Variants in LRMDA observed in about 807,000 individuals in gnomAD.
LRMDA encodes the protein leucine-rich melanocyte differentiation-associated protein.
LRMDA carries 18 observed loss-of-function variants against 29.8 expected under a neutral mutation model. That is an observed-to-expected ratio of 0.60 (90% CI 0.42 to 0.90). LRMDA has a LOEUF of 0.90. LRMDA is among the 40% of genes least tolerant of loss of function. The pLI is 0.00. For synonymous variants in LRMDA, 125 were observed against 109.4 expected (o/e 1.14, Z -0.89); for missense variants, 273 against 273.9 (o/e 1.00, Z 0.02).
intron 2 of LRMDA, among the ~76,000 whole-genome samples, chr10:75,532,056 G>GAAAAAAAAAAAAAAAAAAAAAAAAAA: frequency 3.1e-5 from 3 of 95,388 alleles, no homozygotes; most frequent in Non-Finnish European, 4.1e-5. Context: ...AAGAAAGAAA[G>GAAAAAAAAAAAAAAAAAAAAAAAAAA]AAAAAAAAAA....
chr10:75,931,875 T>C (rs1846211409), intron 2 of LRMDA, among the ~76,000 whole-genome samples: 1 of 152,178 alleles, frequency 6.6e-6, no homozygotes, highest in Non-Finnish European at 1.5e-5. Flanking sequence ...CACATTAGGA[T>C]CAACCCAAAC....
chr10:76,388,774 A>G (rs774857424), intron 6 of LRMDA, among the ~76,000 whole-genome samples: 7 of 152,240 alleles, frequency 4.6e-5, no homozygotes, highest in Non-Finnish European at 1.0e-4. Context: ...CATTATTCAT[A>G]CTGCTTTCTA....
chr10:76,106,537 T>G (rs184932165), intron 5 of LRMDA, among the ~76,000 whole-genome samples: 259 of 152,318 alleles, frequency 1.7e-3, no homozygotes, highest in African/African-American at 6.1e-3. Flanking sequence ...TAATTCTCAG[T>G]GATTGTGTCT....
At chr10:75,525,059 C>G (rs1419064654) in intron 2 of LRMDA, among the ~76,000 whole-genome samples, 1 of 152,154 alleles carries the variant, frequency 6.6e-6, no homozygotes, top group Non-Finnish European at 1.5e-5. Flanking sequence ...TGACTCATAG[C>G]TGGGAAGTCC....
intron 5 of LRMDA, among the ~76,000 whole-genome samples, chr10:76,170,165 A>G (rs1007131093): frequency 1.3e-5 from 2 of 152,228 alleles, no homozygotes; most frequent in Admixed American, 6.5e-5. Flanking sequence ...AAGTAGGAAC[A>G]GTCTCCTCAC....
At chr10:76,221,299 G>T (rs1329585385) in intron 5 of LRMDA, among the ~76,000 whole-genome samples, 1 of 152,172 alleles carries the variant, frequency 6.6e-6, no homozygotes, top group Non-Finnish European at 1.5e-5. Context: ...AGGAAATAAA[G>T]GGTATTCAAT....
chr10:75,457,913 G>T (rs1262246712), intron 2 of LRMDA, among the ~76,000 whole-genome samples: 1 of 152,130 alleles, frequency 6.6e-6, no homozygotes, highest in Non-Finnish European at 1.5e-5. Flanking sequence ...TTGAGAAACT[G>T]AACTCTTGCT....
intron 5 of LRMDA, among the ~76,000 whole-genome samples, chr10:76,245,722 G>A (rs1000871877): frequency 2.2e-4 from 33 of 152,322 alleles, no homozygotes; most frequent in Non-Finnish European, 3.1e-4. Context: ...GTGAGGGCCT[G>A]TGTTTTATTT....
chr10:75,628,793 G>A (rs1414460931), intron 2 of LRMDA, among the ~76,000 whole-genome samples: 1 of 152,080 alleles, frequency 6.6e-6, no homozygotes, highest in Non-Finnish European at 1.5e-5. Flanking sequence ...CTCCTCAGTG[G>A]GGCTGGCCAT....
At chr10:76,135,955 A>T (rs890946294) in intron 5 of LRMDA, among the ~76,000 whole-genome samples, 4 of 152,100 alleles carry the variant, frequency 2.6e-5, no homozygotes, top group African/African-American at 9.7e-5. Flanking sequence ...TTACCCAAGA[A>T]CTTTAATTCG....
chr10:75,517,374 G>C (rs1024431297), intron 2 of LRMDA, among the ~76,000 whole-genome samples: 1 of 151,916 alleles, frequency 6.6e-6, no homozygotes, highest in African/African-American at 2.4e-5. Flanking sequence ...CTTTTATTTT[G>C]TTGAGCAGTG....
intron 2 of LRMDA, among the ~76,000 whole-genome samples, chr10:75,675,388 C>T (rs1841947357): frequency 6.6e-6 from 1 of 152,160 alleles, no homozygotes; most frequent in African/African-American, 2.4e-5. Flanking sequence ...ATATTCTATA[C>T]TAATGGAGAT....
At chr10:75,563,019 C>T (rs1405173748) in intron 2 of LRMDA, among the ~76,000 whole-genome samples, 1 of 152,048 alleles carries the variant, frequency 6.6e-6, no homozygotes, top group African/African-American at 2.4e-5. Flanking sequence ...TGGAGTTGCT[C>T]TTCTTGAGGA....
At chr10:76,012,732 G>A (rs1425242936) in intron 2 of LRMDA, among the ~76,000 whole-genome samples, 1 of 152,136 alleles carries the variant, frequency 6.6e-6, no homozygotes, top group East Asian at 1.9e-4. Flanking sequence ...TCATTAAGTG[G>A]TGTCCTTCCT....
At chr10:75,527,099 G>T (rs1376001090) in intron 2 of LRMDA, among the ~76,000 whole-genome samples, 2 of 151,962 alleles carry the variant, frequency 1.3e-5, no homozygotes, top group Non-Finnish European at 2.9e-5. Flanking sequence ...TGCCTATTTT[G>T]GATATTTCAC....
intron 2 of LRMDA, among the ~76,000 whole-genome samples, chr10:75,804,456 C>CA (rs772234388): frequency 1.3e-4 from 20 of 152,278 alleles, no homozygotes; most frequent in Non-Finnish European, 2.8e-4. Flanking sequence ...TGACTGGTGA[C>CA]AAAAAATCAG....
chr10:75,989,563 G>A (rs1564624287), intron 2 of LRMDA, among the ~76,000 whole-genome samples: 1 of 152,190 alleles, frequency 6.6e-6, no homozygotes, highest in South Asian at 2.1e-4. Context: ...AATTTGACAC[G>A]AGATTTTGTG....
Position 75,868,032 on chromosome 10 carries a change from A to C in LRMDA, c.132-167976A>C, listed in dbSNP as rs148648324. Reference sequence around the variant, plus strand: ...TTAACCATTTAAAAATATAAAAACTATCCTTAGCTTGCAGGCTGTACAAAT... The same window carrying C: ...TTAACCATTTAAAAATATAAAAACTCTCCTTAGCTTGCAGGCTGTACAAAT... On this transcript the variant is annotated intron_variant, in intron 2 of 6. Transcript: ENST00000611255. 2.9e-3 allele frequency among the ~76,000 whole-genome samples: 448 copies of C among 152,248 alleles called. 2 individuals carry two copies. Among genetic ancestry groups the C allele is most frequent in the African/African-American group, 0.01 (431 of 41,532 alleles).
At chr10:76,066,646 G>C (rs989641279) in intron 5 of LRMDA, among the ~76,000 whole-genome samples, 18 of 152,182 alleles carry the variant, frequency 1.2e-4, no homozygotes, top group African/African-American at 3.6e-4. Context: ...GGAAGATCAG[G>C]AGATAGAAGG....
Sources: allele counts gnomAD v4.1 joint callset (sites outside exome capture counted in the v4.1 genomes callset), GRCh38; gene constraint gnomAD v4.1.1; transcripts MANE v1.5; gene names NCBI Gene and HGNC (gene_info 2026-07-23, HGNC 2026-07-21).